The following CCDC110 variants were observed in gnomAD, a reference collection of about 807,000 sequenced individuals.
The protein encoded by CCDC110 is coiled-coil domain-containing protein 110.
CCDC110 carries 70 observed loss-of-function variants against 77.1 expected under a neutral mutation model. The observed-to-expected ratio is 0.91, with a 90% CI of 0.75 to 1.11. The LOEUF (loss-of-function observed/expected upper bound fraction) is 1.11, where lower values mean the gene tolerates loss of function less well. CCDC110 is among the 50% of genes least tolerant of loss of function. The pLI, the probability that CCDC110 is intolerant of heterozygous loss-of-function variation, is 0.00. For missense variants in CCDC110, 868 were observed against 942.9 expected (o/e 0.92, Z 1.04); for synonymous variants, 295 against 312.5 (o/e 0.94, Z 0.59).
chr4:185,447,819 CTA>C (rs1168984693), intron 6 of CCDC110, among the ~76,000 whole-genome samples: 2 of 152,112 alleles, frequency 1.3e-5, no homozygotes, highest in Non-Finnish European at 2.9e-5. Context: ...CTCTAAATTG[CTA>C]TGATACCAAA....
In CCDC110 at chr4:185,471,018, G is replaced by C. The variant is rs769624304; in HGVS notation, c.42C>G (p.Asp14Glu). The change falls in exon 2 of 7, where the codon GAC (aspartate) becomes GAG (glutamate). Residue 14 changes from aspartate to glutamate, a missense_variant. Asp to Glu is a conservative substitution (Grantham distance 45). Transcript: ENST00000307588. The stretch of plus-strand genomic sequence containing the variant: ...TCTTGGACGCTGAAAGGAGAACGGA[G>C]TCAACTTCATCCTCTTCCCGGTGCT... ...EKQHREEDEV[D>E]SVLLSASKIL... The C allele has an allele frequency of 1.3e-6, 2 of 1,597,786 alleles. No individual in the cohort carries two copies. The highest frequency in any genetic ancestry group is 3.4e-5 in the Admixed American group (2 of 58,100).
chr4:185,464,102 A>C (rs976556244), intron 2 of CCDC110, among the ~76,000 whole-genome samples: 1 of 152,140 alleles, frequency 6.6e-6, no homozygotes, highest in Non-Finnish European at 1.5e-5. Context: ...TTTATTAAAG[A>C]GTGTATTCAT....
intron 6 of CCDC110, among the ~76,000 whole-genome samples, chr4:185,454,866 G>A (rs1019612302): frequency 5.3e-5 from 8 of 151,892 alleles, no homozygotes; most frequent in African/African-American, 1.2e-4. Context: ...GGGGTCAAGC[G>A]ATCCTCCTAC....
chr4:185,469,551 C>T (rs945930805), intron 2 of CCDC110, among the ~76,000 whole-genome samples: 3 of 152,220 alleles, frequency 2.0e-5, no homozygotes, highest in African/African-American at 7.2e-5. Flanking sequence ...GAGGTAAATA[C>T]GGAGCTACCT....
Position 185,459,596 on chromosome 4 carries a change from T to C in CCDC110, c.991A>G (p.Lys331Glu). The change falls in exon 6 of 7, where the codon AAA (lysine) becomes GAA (glutamate). Residue 331 changes from lysine to glutamate, a missense_variant. Lys to Glu is a moderately conservative substitution (Grantham distance 56, BLOSUM62 1). Transcript: ENST00000307588. ...TTTCTACAAAAATGCACATGGAATT[T>C]TGACACAGTTTCCCTGAAGGGGAGT... ...KLLPFRETVS[K>E]FHVHFCRKCK... 6.2e-7 allele frequency: 1 copy of C among 1,613,376 alleles called. No individual in the cohort carries two copies. Among genetic ancestry groups the C allele is most frequent in the Non-Finnish European group, 8.5e-7 (1 of 1,179,774 alleles).
intron 6 of CCDC110, among the ~76,000 whole-genome samples, chr4:185,451,513 TAACA>T (rs1480385861): frequency 6.6e-6 from 1 of 152,212 alleles, no homozygotes; most frequent in Non-Finnish European, 1.5e-5. Flanking sequence ...GCTTCATAAC[TAACA>T]CTGTGCAATT....
chr4:185,471,720 G>T lies in CCDC110; in HGVS notation c.-37C>A. On this transcript the variant is annotated 5_prime_UTR_variant, in exon 1 of 7. Transcript: ENST00000307588. ...ATCTCTCTCGCAACCGCCGCCGCAC[G>T]CACCCGCTCCGCCGCCCCGCGCAGG... is the stretch of plus-strand genomic sequence containing the variant. The T allele has an allele frequency of 2.0e-6, 3 of 1,522,358 alleles. No individual in the cohort carries two copies. Among genetic ancestry groups the T allele is most frequent in the Non-Finnish European group, 2.6e-6 (3 of 1,138,102 alleles). The allele number at this position is 1,522,358 out of a possible 1,614,324, so 94.3% of individuals were successfully genotyped here.
intron 1 of CCDC110, 167 bp from the exon 2 acceptor site, chr4:185,471,216 CGGGGAGGG>C: frequency 3.5e-5 from 1 of 28,258 alleles, no homozygotes; most frequent in Non-Finnish European, 7.1e-5. Flanking sequence ...GCGGGGAGGG[CGGGGAGGG>C]CGGGGCGGAG....
intron 6 of CCDC110, chr4:185,449,943 T>C (rs545256214): frequency 4.6e-6 from 1 of 218,372 alleles, no homozygotes; most frequent in East Asian, 1.0e-4. Flanking sequence ...TGTTAAAAAA[T>C]TGCAGCGTTG....
At chr4:185,454,721 TAAAAAAG>T (rs1440393744) in intron 6 of CCDC110, among the ~76,000 whole-genome samples, 1 of 151,804 alleles carries the variant, frequency 6.6e-6, no homozygotes, top group African/African-American at 2.4e-5. Flanking sequence ...CTCAAAAAAA[TAAAAAAG>T]AAAGAAAGTG....
At chr4:185,462,528 C>T in intron 4 of CCDC110, 115 bp downstream of exon 4, 1 of 756,004 alleles carries the variant, frequency 1.3e-6, no homozygotes, top group East Asian at 2.6e-5. Context: ...TATGCTGTGG[C>T]CTCTATTATA....
At chr4:185,455,194 A>C (rs2095634300) in intron 6 of CCDC110, among the ~76,000 whole-genome samples, 2 of 151,950 alleles carry the variant, frequency 1.3e-5, no homozygotes, top group Admixed American at 1.3e-4. Context: ...TGTTTTTTTA[A>C]CACTAACACT....
chr4:185,471,566 G>T, intron 1 of CCDC110, 108 bp downstream of exon 1: 1 of 1,255,462 alleles, frequency 8.0e-7, no homozygotes, highest in Non-Finnish European at 1.1e-6. Flanking sequence ...CAGAAGGGCG[G>T]ACCCGGGATG....
Position 185,463,048 on chromosome 4 carries a change from T to G in CCDC110, c.117A>C (p.Glu39Asp), listed in dbSNP as rs143640588. ...TTTCTGATTCTGCTATGCAGCCATA[T>G]TCTAAGAAGCAAAATTGAAAAACCA... ...GVKESGCSDT[E>D]YGCIAESENQ... The change falls in exon 3 of 7, where the codon GAA (glutamate) becomes GAC (aspartate). Residue 39 changes from glutamate to aspartate, a missense_variant and splice_region_variant. Glu to Asp is a conservative substitution (Grantham distance 45). Transcript: ENST00000307588. The G allele has an allele frequency of 3.1e-6, 5 of 1,611,706 alleles. No homozygotes were observed. In the African/African-American group the frequency reaches 5.3e-5, roughly 17 times the overall value.
rs140552849 is a variant in CCDC110, at chr4:185,458,464, A to G, written c.2123T>C (p.Val708Ala). The change falls in exon 6 of 7, where the codon GTA becomes GCA. Residue 708 changes from valine (V) to alanine (A), a missense_variant. By Grantham distance (64) the Val-to-Ala change is moderately conservative. Transcript: ENST00000307588. ...GKECEMLSKM[V>A]METKTDNQIL... ...CTGATTATCTGTTTTGGTTTCCATT[A>G]CCATTTTTGATAACATTTCACATTC... 2.7e-4 allele frequency: 438 copies of G among 1,600,916 alleles called. No individual in the cohort carries two copies. Among genetic ancestry groups the G allele is most frequent in the Non-Finnish European group, 3.6e-4 (424 of 1,176,164 alleles).
chr4:185,452,596 T>G (rs1293307608), intron 6 of CCDC110, among the ~76,000 whole-genome samples: 1 of 152,106 alleles, frequency 6.6e-6, no homozygotes, highest in Non-Finnish European at 1.5e-5. Flanking sequence ...GCATTAAGAA[T>G]AATAAGCCAA....
At chr4:185,466,268 G>A (rs566066027) in intron 2 of CCDC110, among the ~76,000 whole-genome samples, 11 of 152,124 alleles carry the variant, frequency 7.2e-5, no homozygotes, top group Admixed American at 2.0e-4. Context: ...CCAGCTACTC[G>A]GGAGGCTGAG....
chr4:185,465,831 C>T (rs2095654647), intron 2 of CCDC110, among the ~76,000 whole-genome samples: 1 of 152,078 alleles, frequency 6.6e-6, no homozygotes, highest in East Asian at 1.9e-4. Flanking sequence ...AAGCCAGCAG[C>T]ATTGCTGGAG....
rs541790998 is a variant in CCDC110, at chr4:185,465,753, A to G, written c.116-2704T>C. 7.9e-5 allele frequency among the ~76,000 whole-genome samples: 12 copies of G among 152,326 alleles called. 1 individual carries two copies. Among genetic ancestry groups the G allele is most frequent in the South Asian group, 4.1e-4 (2 of 4,826 alleles). ...CAATAATCTAAGTGGAGATGAAGAT[A>G]TCTTGGACTAGAATGGTGGTGGGGG... is the stretch of plus-strand genomic sequence containing the variant. On this transcript the variant is annotated intron_variant, in intron 2 of 6. Coordinates refer to ENST00000307588, the MANE Select transcript of CCDC110 (RefSeq NM_152775.4).
Sources: gnomAD v4.1 joint callset for allele counts (sites outside exome capture counted in the v4.1 genomes callset) on GRCh38, gnomAD v4.1.1 for gene constraint, MANE v1.5 for transcripts, NCBI Gene and HGNC (gene_info 2026-07-23, HGNC 2026-07-21) for gene names.